Variants in ATG7 observed in about 807,000 individuals in gnomAD.
The protein encoded by ATG7 is autophagy related 7, also known as ubiquitin-like modifier-activating enzyme ATG7.
Under a neutral mutation model 82.4 loss-of-function variants are expected in ATG7, and 70 were observed. The ratio of observed to expected loss-of-function variants is 0.85; its 90% CI spans 0.70 to 1.04. ATG7 has a LOEUF of 1.04. ATG7 is among the 50% of genes least tolerant of loss of function. The pLI is 0.00. For synonymous variants in ATG7, 287 were observed against 313.0 expected (o/e 0.92, Z 0.88); for missense variants, 792 against 864.3 (o/e 0.92, Z 1.05).
intron 1 of ATG7, among the ~76,000 whole-genome samples, chr3:11,274,581 T>G (rs1218679967): frequency 1.3e-5 from 2 of 152,088 alleles, no homozygotes; most frequent in East Asian, 3.9e-4. Context: ...GAGAGGTGAC[T>G]GGAAAGGTAA....
intron 18 of ATG7, among the ~76,000 whole-genome samples, chr3:11,378,248 CT>C (rs1180784233): frequency 6.7e-6 from 1 of 149,976 alleles, no homozygotes; most frequent in Non-Finnish European, 1.5e-5. Context: ...AACTCCTGAC[CT>C]CAGGTGATCT....
intron 17 of ATG7, 164 bp downstream of exon 17, chr3:11,363,092 G>T (rs1054075099): frequency 1.7e-6 from 1 of 604,322 alleles, no homozygotes; most frequent in Non-Finnish European, 2.9e-6. Flanking sequence ...TTTGGGCTGA[G>T]ATAACTTGGC....
chr3:11,462,176 G>A (rs1031229333), intron 20 of ATG7, among the ~76,000 whole-genome samples: 5 of 152,082 alleles, frequency 3.3e-5, no homozygotes, highest in East Asian at 1.9e-4. Flanking sequence ...GTTTAAGAGC[G>A]TCTGCCACCC....
At chr3:11,390,915 A>T (rs1183798784) in intron 19 of ATG7, among the ~76,000 whole-genome samples, 1 of 152,220 alleles carries the variant, frequency 6.6e-6, no homozygotes, top group East Asian at 1.9e-4. Context: ...TTTATCTGCT[A>T]CCCACTAACC....
intron 20 of ATG7, among the ~76,000 whole-genome samples, chr3:11,553,718 G>A (rs576475155): frequency 2.6e-5 from 4 of 152,286 alleles, no homozygotes; most frequent in African/African-American, 9.6e-5. Context: ...TTGGCCTCGG[G>A]AGACAGGGGC....
At chr3:11,334,953 CAA>C (rs57211483) in intron 11 of ATG7, among the ~76,000 whole-genome samples, 4,351 of 119,196 alleles carry the variant, frequency 0.037, 62 homozygotes, top group African/African-American at 0.057. Context: ...GACTCTGTCT[CAA>C]AAAAAAAAAA....
intron 9 of ATG7, 28 bp downstream of exon 9, chr3:11,315,521 T>C (rs1949276155): frequency 6.6e-7 from 1 of 1,515,164 alleles, no homozygotes; most frequent in Non-Finnish European, 8.8e-7. Flanking sequence ...TATCATTTTA[T>C]TATATAGTTT....
intron 20 of ATG7, among the ~76,000 whole-genome samples, chr3:11,549,682 G>A (rs961959041): frequency 6.6e-6 from 1 of 152,218 alleles, no homozygotes; most frequent in Non-Finnish European, 1.5e-5. Flanking sequence ...CCTATTCTGA[G>A]TAAGACTGCT....
intron 20 of ATG7, among the ~76,000 whole-genome samples, chr3:11,452,098 C>G (rs1056108587): frequency 2.6e-5 from 4 of 151,762 alleles, no homozygotes; most frequent in African/African-American, 7.3e-5. Context: ...TGAGAATGTT[C>G]TGGAGCCAGG....
intron 20 of ATG7, among the ~76,000 whole-genome samples, chr3:11,496,008 C>A (rs1248484654): frequency 2.6e-5 from 4 of 152,122 alleles, no homozygotes; most frequent in Non-Finnish European, 4.4e-5. Flanking sequence ...AGCCCTATGA[C>A]GTAAGTAAAT....
In ATG7 at chr3:11,520,551, G is replaced by A. The variant is rs138793693; in HGVS notation, c.2080-34260G>A. Among the ~76,000 whole-genome samples, 71 of 152,290 alleles carry A rather than the reference G, an allele frequency of 4.7e-4. No homozygotes were observed. In the East Asian group the frequency reaches 0.01, roughly 22 times the overall value. On this transcript the variant is annotated intron_variant, in intron 20 of 20. Transcript: ENST00000693202. ...GGGACATGGGGATGAGGAAGATGCC[G>A]TGCTGGCCCTGGAGGAACACACACA...
chr3:11,340,521 A>G, intron 11 of ATG7, 124 bp from the exon 12 acceptor site: 1 of 808,030 alleles, frequency 1.2e-6, no homozygotes, highest in East Asian at 3.1e-5. Context: ...AAAGAAGCAA[A>G]CCAAAAGCTT....
intron 20 of ATG7, among the ~76,000 whole-genome samples, chr3:11,503,449 A>G (rs991556606): frequency 6.6e-6 from 1 of 152,076 alleles, no homozygotes; most frequent in African/African-American, 2.4e-5. Context: ...GAAACAAAAA[A>G]TGCTATTAAC....
At chr3:11,478,634 C>T (rs1424964133) in intron 20 of ATG7, among the ~76,000 whole-genome samples, 3 of 151,980 alleles carry the variant, frequency 2.0e-5, no homozygotes, top group Non-Finnish European at 4.4e-5. Flanking sequence ...AGTGCAAAGG[C>T]AAAACAGTCA....
intron 9 of ATG7, among the ~76,000 whole-genome samples, chr3:11,320,658 A>G (rs1447627891): frequency 1.3e-5 from 2 of 152,238 alleles, no homozygotes; most frequent in African/African-American, 4.8e-5. Flanking sequence ...AAGCTCTACC[A>G]GGACAGGTAC....
At chr3:11,285,144 T>A (rs1313409347) in intron 3 of ATG7, among the ~76,000 whole-genome samples, 1 of 148,680 alleles carries the variant, frequency 6.7e-6, no homozygotes, top group Non-Finnish European at 1.5e-5. Context: ...GCCACCTTTT[T>A]TTTTTTTTTT....
chr3:11,507,307 T>G (rs1251425314), intron 20 of ATG7, among the ~76,000 whole-genome samples: 2 of 152,140 alleles, frequency 1.3e-5, no homozygotes. Context: ...AAATTTTGTT[T>G]AAATGTGTAA....
intron 20 of ATG7, among the ~76,000 whole-genome samples, chr3:11,482,140 T>C (rs1407876528): frequency 6.6e-6 from 1 of 152,224 alleles, no homozygotes; most frequent in African/African-American, 2.4e-5. Context: ...TGTGCTCCGC[T>C]CTGTCCCGCT....
intron 20 of ATG7, among the ~76,000 whole-genome samples, chr3:11,545,411 G>A (rs547588693): frequency 1.3e-5 from 2 of 152,194 alleles, no homozygotes; most frequent in African/African-American, 2.4e-5. Context: ...TGTGGGCATC[G>A]AGAGCCTGCG....
Sources: allele counts gnomAD v4.1 joint callset (sites outside exome capture counted in the v4.1 genomes callset), GRCh38; gene constraint gnomAD v4.1.1; transcripts MANE v1.5; gene names NCBI Gene and HGNC (gene_info 2026-07-23, HGNC 2026-07-21).